NRG3: variants seen among roughly 807,000 people sequenced by gnomAD.
NRG3 encodes the protein pro-neuregulin-3, membrane-bound isoform.
A neutral mutation model predicts 66.9 loss-of-function variants in NRG3; 31 were observed. That is an observed-to-expected ratio of 0.46 (90% CI 0.35 to 0.63). NRG3 has a LOEUF of 0.63. NRG3 is among the 20% of genes least tolerant of loss of function. NRG3 has a pLI of 0.00. For missense variants in NRG3, 910 were observed against 878.9 expected (o/e 1.04, Z -0.45); for synonymous variants, 393 against 359.4 (o/e 1.09, Z -1.06).
At chr10:82,698,736 G>A (rs559416173) in intron 2 of NRG3, among the ~76,000 whole-genome samples, 5 of 152,172 alleles carry the variant, frequency 3.3e-5, no homozygotes, top group Non-Finnish European at 5.9e-5. Flanking sequence ...CCCACAGAGC[G>A]GTTGTGAGGA....
At chr10:82,047,847 G>T (rs1220676971) in intron 1 of NRG3, among the ~76,000 whole-genome samples, 1 of 152,070 alleles carries the variant, frequency 6.6e-6, no homozygotes, top group Non-Finnish European at 1.5e-5. Flanking sequence ...CTATATTCAG[G>T]AAACCCATCT....
At chr10:82,977,138 C>T (rs1424125685) in intron 7 of NRG3, among the ~76,000 whole-genome samples, 1 of 152,080 alleles carries the variant, frequency 6.6e-6, no homozygotes, top group Non-Finnish European at 1.5e-5. Flanking sequence ...TCAGTTGCAG[C>T]CAACTCTAGC....
chr10:82,871,864 T>C (rs975803069), intron 4 of NRG3, among the ~76,000 whole-genome samples: 2 of 152,080 alleles, frequency 1.3e-5, no homozygotes, highest in African/African-American at 2.4e-5. Flanking sequence ...GCAAAGACAG[T>C]TTTACCTCTT....
chr10:81,944,671 A>C (rs534254134), intron 1 of NRG3, among the ~76,000 whole-genome samples: 2 of 152,132 alleles, frequency 1.3e-5, no homozygotes, highest in African/African-American at 4.8e-5. Flanking sequence ...GATGCAATTC[A>C]TGCTGAACCT....
intron 1 of NRG3, among the ~76,000 whole-genome samples, chr10:81,952,097 G>C (rs900030372): frequency 1.3e-5 from 2 of 152,082 alleles, no homozygotes; most frequent in African/African-American, 4.8e-5. Context: ...GTTGTGGGGT[G>C]GGGGAAGGGG....
intron 2 of NRG3, among the ~76,000 whole-genome samples, chr10:82,497,182 G>T (rs749566127): frequency 1.6e-4 from 25 of 151,996 alleles, no homozygotes; most frequent in Admixed American, 6.6e-5. Flanking sequence ...CATCCTTCTC[G>T]TTAAATCTTG....
At chr10:82,579,387 C>T (rs2046222736) in intron 2 of NRG3, among the ~76,000 whole-genome samples, 1 of 151,926 alleles carries the variant, frequency 6.6e-6, no homozygotes, top group Non-Finnish European at 1.5e-5. Flanking sequence ...GATTCTGTAA[C>T]TAACAACTAA....
At chr10:82,360,596 A>G (rs74147914) in intron 2 of NRG3, among the ~76,000 whole-genome samples, 1,782 of 152,312 alleles carry the variant, frequency 0.012, 36 homozygotes, top group African/African-American at 0.04. Flanking sequence ...CTTTTTCTGC[A>G]TATGGCTATG....
chr10:82,860,186 C>T (rs903403664), intron 3 of NRG3, among the ~76,000 whole-genome samples: 1 of 152,122 alleles, frequency 6.6e-6, no homozygotes, highest in African/African-American at 2.4e-5. Flanking sequence ...AATGATTTGC[C>T]AGTTGGTCTC....
At chr10:82,877,651 A>T (rs890087363) in intron 4 of NRG3, among the ~76,000 whole-genome samples, 5 of 150,842 alleles carry the variant, frequency 3.3e-5, no homozygotes, top group Non-Finnish European at 5.9e-5. Flanking sequence ...AGCCTCCCAA[A>T]GTGCTGGGAT....
chr10:82,546,060 C>T (rs574529033), intron 2 of NRG3, among the ~76,000 whole-genome samples: 7 of 152,262 alleles, frequency 4.6e-5, no homozygotes, highest in South Asian at 2.1e-4. Context: ...TGAGCCACTG[C>T]GGCTGGCTTA....
chr10:82,532,996 G>A (rs1346855650), intron 2 of NRG3, among the ~76,000 whole-genome samples: 4 of 150,702 alleles, frequency 2.7e-5, no homozygotes, highest in Admixed American at 1.3e-4. Flanking sequence ...TACCCTAACA[G>A]GTATAAAATG....
intron 3 of NRG3, among the ~76,000 whole-genome samples, chr10:82,768,380 CTT>C (rs1456288092): frequency 1.3e-5 from 2 of 152,090 alleles, no homozygotes; most frequent in African/African-American, 4.8e-5. Flanking sequence ...TTTATAGAAA[CTT>C]TTTATACCCT....
chr10:82,343,978 C>T (rs975685624), intron 1 of NRG3, among the ~76,000 whole-genome samples: 2 of 152,066 alleles, frequency 1.3e-5, no homozygotes, highest in Admixed American at 1.3e-4. Flanking sequence ...TACATACTTT[C>T]CAGACAAGAA....
rs548868827 is a variant in NRG3 at position 82,246,675 on chromosome 10, G to GA, written c.824-112056dup. Reference sequence around the variant, plus strand: ...TGTCTAAGAGGTCAAACACAGAGCAGAAAAAAAAGAATGGGAAATGATCTT... The same window carrying GA: ...TGTCTAAGAGGTCAAACACAGAGCAGAAAAAAAAAGAATGGGAAATGATCTT... On this transcript the variant is annotated intron_variant, in intron 1 of 8. Coordinates refer to ENST00000372141, the MANE Select transcript of NRG3 (RefSeq NM_001010848.4). Among the ~76,000 whole-genome samples the GA allele has an allele frequency of 1.5e-3, 229 of 151,906 alleles. 1 individual carries two copies. The highest frequency in any genetic ancestry group is 7.5e-3 in the Admixed American group (115 of 15,268).
chr10:82,569,227 C>T (rs1414736315), intron 2 of NRG3, among the ~76,000 whole-genome samples: 2 of 151,646 alleles, frequency 1.3e-5, no homozygotes, highest in African/African-American at 4.8e-5. Flanking sequence ...TAATAAAATT[C>T]ATCATAATGT....
At chr10:82,256,446 C>A (rs1263848643) in intron 1 of NRG3, among the ~76,000 whole-genome samples, 1 of 152,132 alleles carries the variant, frequency 6.6e-6, no homozygotes, top group Non-Finnish European at 1.5e-5. Flanking sequence ...TCACTGCCCT[C>A]TTCAGGTGTC....
intron 1 of NRG3, among the ~76,000 whole-genome samples, chr10:82,136,564 C>T (rs1163444235): frequency 6.6e-6 from 1 of 152,108 alleles, no homozygotes; most frequent in Admixed American, 6.6e-5. Context: ...TTTTTCTACT[C>T]CTCTCTTTCC....
At chr10:82,359,641 A>C (rs2083995378) in intron 2 of NRG3, among the ~76,000 whole-genome samples, 1 of 152,154 alleles carries the variant, frequency 6.6e-6, no homozygotes, top group South Asian at 2.1e-4. Flanking sequence ...CCAAGCTTTC[A>C]TTTCCAGTAT....
Sources: gnomAD v4.1 joint callset for allele counts (sites outside exome capture counted in the v4.1 genomes callset) on GRCh38, gnomAD v4.1.1 for gene constraint, MANE v1.5 for transcripts, NCBI Gene and HGNC (gene_info 2026-07-23, HGNC 2026-07-21) for gene names.